The following COL5A3 variants were observed in gnomAD, a reference collection of about 807,000 sequenced individuals.
COL5A3 encodes the protein collagen alpha-3(V) chain.
COL5A3 carries 172 observed loss-of-function variants against 250.0 expected under a neutral mutation model. That is an observed-to-expected ratio of 0.69 (90% CI 0.61 to 0.78). COL5A3 has a LOEUF of 0.78. Ranked by LOEUF, COL5A3 falls within the 30% of genes least tolerant of loss-of-function variation. The probability of loss-of-function intolerance (pLI) is 0.00; values close to 1 mark genes in which losing one functional copy is unlikely to be tolerated. For synonymous variants in COL5A3, 937 were observed against 900.4 expected (o/e 1.04, Z -0.73); for missense variants, 2,340 against 2,334.4 (o/e 1.00, Z -0.05).
chr19:9,961,337 A>AT (rs201525517), intron 65 of COL5A3, among the ~76,000 whole-genome samples: 1,543 of 151,072 alleles, frequency 0.01, 20 homozygotes, highest in African/African-American at 0.032. Flanking sequence ...TGAAGGAGGG[A>AT]TTTTTTTTTA....
At chr19:10,001,705 A>AC in intron 7 of COL5A3, 35 bp from the exon 8 acceptor site, 1 of 1,612,584 alleles carries the variant, frequency 6.2e-7, no homozygotes, top group Non-Finnish European at 8.5e-7. Flanking sequence ...GTTTTCCCTG[A>AC]CCTCCTTATT....
chr19:9,965,330 A>AT lies in COL5A3; in HGVS notation c.4782+983dup, dbSNP rs569399001. Among the ~76,000 whole-genome samples the AT allele has an allele frequency of 2.3e-3, 327 of 144,460 alleles. 1 individual carries two copies. The highest frequency in any genetic ancestry group is 7.5e-3 in the African/African-American group (292 of 38,936). 94.8% of individuals were successfully genotyped at this position (144,460 alleles called of 152,430 possible). ...CCACCATGCCTGGCTAATTTTTTGC[A>AT]TTTTTTTAGTAGAGACAGGGTTTCA... On this transcript the variant is annotated intron_variant, in intron 64 of 66. Coordinates refer to ENST00000264828, the MANE Select transcript of COL5A3 (RefSeq NM_015719.4).
intron 31 of COL5A3, among the ~76,000 whole-genome samples, chr19:9,984,796 TA>T (rs1208630263): frequency 6.6e-6 from 1 of 152,068 alleles, no homozygotes; most frequent in African/African-American, 2.4e-5. Flanking sequence ...GCTCACTTTT[TA>T]AAAAAATTTT....
chr19:9,978,622 A>G lies in COL5A3; in HGVS notation c.2970T>C (p.Pro990=). 6.4e-7 allele frequency: 1 copy of G among 1,560,758 alleles called. No individual in the cohort carries two copies. The highest frequency in any genetic ancestry group is 2.0e-5 in the Admixed American group (1 of 49,124). Residue 990 remains proline (P), a synonymous_variant, in exon 41 of 67, where the codon CCT becomes CCC. Coordinates refer to ENST00000264828, the MANE Select transcript of COL5A3 (RefSeq NM_015719.4). ...GPKGGPGDPG[P]TGLKGDKGPP... Reference sequence around the variant, plus strand: ...GGCCCTTATCACCCTTTAAGCCAGTAGGTCCCTGAAGGAGGAGATAATTCA... The same window carrying G: ...GGCCCTTATCACCCTTTAAGCCAGTGGGTCCCTGAAGGAGGAGATAATTCA...
chr19:9,970,652 C>A lies in COL5A3; in HGVS notation c.3906G>T (p.Glu1302Asp). 4 of 1,453,558 alleles carry A rather than the reference C, an allele frequency of 2.8e-6. No individual in the cohort carries two copies. Among genetic ancestry groups the A allele is most frequent in the Admixed American group, 2.8e-5 (1 of 36,168 alleles). The allele number at this position is 1,453,558 out of a possible 1,614,324, so 90.0% of individuals were successfully genotyped here. The change falls in exon 54 of 67, where the codon GAG (glutamate) becomes GAT (aspartate). Residue 1302 changes from glutamate to aspartate, a missense_variant. By Grantham distance (45) the Glu-to-Asp change is conservative (BLOSUM62 2). Coordinates refer to ENST00000264828, the MANE Select transcript of COL5A3 (RefSeq NM_015719.4). ...TGCCGGGGGGCCCGGGGGCGCCGGG[C>A]TCCCCAGAAGCTCCAGGCGGACCCT... is the stretch of plus-strand genomic sequence containing the variant. ...GGPGPPGASGEPGAPGPPGKR... is the reference protein window; with the variant it reads ...GGPGPPGASGDPGAPGPPGKR...
intron 15 of COL5A3, 104 bp downstream of exon 15, chr19:9,995,962 G>A: frequency 8.7e-7 from 1 of 1,147,934 alleles, no homozygotes; most frequent in Non-Finnish European, 1.2e-6. Flanking sequence ...CAATTGCAAG[G>A]GTATCCCCAG....
intron 24 of COL5A3, among the ~76,000 whole-genome samples, chr19:9,989,913 G>GGA (rs1327447298): frequency 6.6e-6 from 1 of 151,788 alleles, no homozygotes; most frequent in African/African-American, 2.4e-5. Context: ...TACAGCACCC[G>GGA]GCTAATTTTT....
intron 5 of COL5A3, 69 bp from the exon 6 acceptor site, chr19:10,003,783 G>C (rs2087397976): frequency 1.3e-6 from 2 of 1,590,376 alleles, no homozygotes; most frequent in African/African-American, 2.7e-5. Context: ...AGGTCACCTG[G>C]GGTGAGGCTG....
Position 9,966,736 on chromosome 19 carries a change from G to A in COL5A3, c.4469C>T (p.Ala1490Val). Residue 1490 changes from alanine to valine, a missense_variant, in exon 63 of 67, where the codon GCC (alanine) becomes GTC (valine). Physicochemically the swap from Ala to Val is moderately conservative, Grantham distance 64. Coordinates refer to ENST00000264828, the MANE Select transcript of COL5A3 (RefSeq NM_015719.4). ...AGPPGPPGAPAELHGLRRRRR... is the reference protein window; with the variant it reads ...AGPPGPPGAPVELHGLRRRRR... ...GCGCCTGCGCAGCCCATGCAGCTCG[G>A]CAGGGGCACCCTGGGCGTAGGGGAT... is the stretch of plus-strand genomic sequence containing the variant. 6.5e-7 allele frequency: 1 copy of A among 1,535,214 alleles called. No individual in the cohort carries two copies. Among genetic ancestry groups the A allele is most frequent in the Non-Finnish European group, 8.7e-7 (1 of 1,146,106 alleles).
chr19:10,001,142 A>T (rs1011304041), intron 8 of COL5A3, among the ~76,000 whole-genome samples: 1 of 152,036 alleles, frequency 6.6e-6, no homozygotes, highest in Non-Finnish European at 1.5e-5. Context: ...TAATTTTTTT[A>T]AATTGTTCGG....
Position 9,969,647 on chromosome 19 carries a change from C to A in COL5A3, c.4026G>T (p.Thr1342=), listed in dbSNP as rs1350479576. Reference sequence around the variant, plus strand: ...GGGGCCCTCTAGCCCCCATTGGACCCGTCCTCCCTGGGGGCCCATCAGGAC... The same window carrying A: ...GGGGCCCTCTAGCCCCCATTGGACCAGTCCTCCCTGGGGGCCCATCAGGAC... ...EPGPDGPPGR[T]GPMGARGPPG... The change falls in exon 56 of 67, where the codon ACG becomes ACT. Residue 1342 remains threonine, a synonymous_variant. Coordinates refer to ENST00000264828, the MANE Select transcript of COL5A3 (RefSeq NM_015719.4). 1 of 1,589,018 alleles carries A rather than the reference C, an allele frequency of 6.3e-7. No individual in the cohort carries two copies. Among genetic ancestry groups the A allele is most frequent in the Admixed American group, 2.0e-5 (1 of 51,088 alleles).
rs1205103664 is a variant in COL5A3 at position 10,001,763 on chromosome 19, C to G, written c.963+5G>C. On this transcript the variant is annotated splice_donor_5th_base_variant and intron_variant, in intron 7 of 66. Coordinates refer to ENST00000264828, the MANE Select transcript of COL5A3 (RefSeq NM_015719.4). Reference sequence around the variant, plus strand: ...GGGGTCTCCCCTCTTCCATCCCCATCCAACCTCTAGGATCGTGGCATTGAG... The same window carrying G: ...GGGGTCTCCCCTCTTCCATCCCCATGCAACCTCTAGGATCGTGGCATTGAG... The G allele has an allele frequency of 1.2e-6, 2 of 1,613,926 alleles. No homozygotes were observed. The highest frequency in any genetic ancestry group is 2.2e-5 in the South Asian group (2 of 91,064).
Position 9,967,345 on chromosome 19 carries a change from ACCGGGGGGCCTGGTGGG to A in COL5A3, c.4443_4458+1del. 7.0e-7 allele frequency: 1 copy of A among 1,435,568 alleles called. No individual in the cohort carries two copies. The highest frequency in any genetic ancestry group is 9.1e-7 in the Non-Finnish European group (1 of 1,099,710). 88.9% of individuals were successfully genotyped at this position (1,435,568 alleles called of 1,614,324 possible). ...CATTCCCCCGCCCCCCGGGGAACTC[ACCGGGGGGCCTGGTGGG>A]CCTGCAGGTCCAGTGTCTCCACGGG... On this transcript the variant is annotated splice_donor_variant and coding_sequence_variant, in exon 62 of 67. Transcript: ENST00000264828. LOFTEE classifies it high-confidence loss of function.
At position 10,009,121 on chromosome 19, in the gene COL5A3, A is replaced by G. The variant is rs945457834; in HGVS notation, c.88+1177T>C. ...GTCCAATCAGGGATTAACCATATGGACAGGCACCTTCCTGGACTCCAAAGT... is the reference window on the plus strand; with the variant it reads ...GTCCAATCAGGGATTAACCATATGGGCAGGCACCTTCCTGGACTCCAAAGT... On this transcript the variant is annotated intron_variant, in intron 1 of 66. Coordinates refer to ENST00000264828, the MANE Select transcript of COL5A3 (RefSeq NM_015719.4). This position sits in a 1 kb window ranked among gnomAD's most constrained non-coding sequence, Gnocchi z 4.4. 4.6e-5 allele frequency among the ~76,000 whole-genome samples: 7 copies of G among 151,342 alleles called. No individual in the cohort carries two copies. Among genetic ancestry groups the G allele is most frequent in the Non-Finnish European group, 8.8e-5 (6 of 67,870 alleles).
At chr19:9,971,344 A>T in intron 51 of COL5A3, 86 bp from the exon 52 acceptor site, 1 of 1,090,670 alleles carries the variant, frequency 9.2e-7, no homozygotes, top group South Asian at 1.6e-5. Flanking sequence ...ATCCAGGAAC[A>T]GTTTGGTTTC....
At chr19:10,001,490 T>G in intron 8 of COL5A3, 34 bp downstream of exon 8, 1 of 1,608,492 alleles carries the variant, frequency 6.2e-7, no homozygotes, top group Non-Finnish European at 8.5e-7. Flanking sequence ...AATCCCACTC[T>G]CTTGCACCTA....
intron 51 of COL5A3, 28 bp downstream of exon 51, chr19:9,972,891 T>G (rs1305531384): frequency 1.1e-5 from 17 of 1,502,162 alleles, no homozygotes; most frequent in African/African-American, 7.0e-5. Context: ...CCCTCCCATG[T>G]CTGCCCCCAC....
At chr19:9,978,830 C>A in intron 40 of COL5A3, 61 bp downstream of exon 40, 1 of 1,215,284 alleles carries the variant, frequency 8.2e-7, no homozygotes, top group South Asian at 2.0e-5. Flanking sequence ...CATCCCTCCC[C>A]TGACCCCCCC....
chr19:10,009,456 G>A lies in COL5A3; in HGVS notation c.88+842C>T, dbSNP rs1191964699. ...CTTGGGGGCTCCTGAGAAATTCCTC[G>A]GGAAAAACACCCAAGGCTCCAGCAG... On this transcript the variant is annotated intron_variant, in intron 1 of 66. Coordinates refer to ENST00000264828, the MANE Select transcript of COL5A3 (RefSeq NM_015719.4). This position sits in a 1 kb window ranked among gnomAD's most constrained non-coding sequence, Gnocchi z 4.4. Among the ~76,000 whole-genome samples, 1 of 151,862 alleles carries A rather than the reference G, an allele frequency of 6.6e-6. No individual in the cohort carries two copies. The highest frequency in any genetic ancestry group is 2.4e-5 in the African/African-American group (1 of 41,336).
Sources: gnomAD v4.1 joint callset for allele counts (sites outside exome capture counted in the v4.1 genomes callset) on GRCh38, gnomAD v4.1.1 for gene constraint, Gnocchi (gnomAD v3.1) non-coding constraint, MANE v1.5 for transcripts, NCBI Gene and HGNC (gene_info 2026-07-23, HGNC 2026-07-21) for gene names.